Variants in KANK2 observed in about 807,000 individuals in gnomAD.
The protein encoded by KANK2 is KN motif and ankyrin repeat domain-containing protein 2.
KANK2 carries 41 observed loss-of-function variants against 74.6 expected under a neutral mutation model. The ratio of observed to expected loss-of-function variants is 0.55; its 90% confidence interval spans 0.43 to 0.71. The LOEUF (loss-of-function observed/expected upper bound fraction) is 0.71, where lower values mean the gene tolerates loss of function less well. Ranked by LOEUF, KANK2 falls within the 30% of genes least tolerant of loss-of-function variation. The probability of loss-of-function intolerance (pLI) is 0.00; values close to 1 mark genes in which losing one functional copy is unlikely to be tolerated. For synonymous variants in KANK2, 537 were observed against 519.0 expected (o/e 1.03, Z -0.47); for missense variants, 1,148 against 1,196.4 (o/e 0.96, Z 0.60).
chr19:11,187,783 T>C (rs12459892), intron 4 of KANK2, among the ~76,000 whole-genome samples: 10,043 of 152,176 alleles, frequency 0.066, 383 homozygotes, highest in Admixed American at 0.09. Context: ...GCATATTAAG[T>C]ATACGTCAAT....
rs144505746 is a variant in KANK2 at position 11,166,039 on chromosome 19, C to T, written c.*519G>A. 1,005 of 153,804 alleles carry T rather than the reference C, an allele frequency of 6.5e-3. 2 individuals carry two copies. The highest frequency in any genetic ancestry group is 0.01 in the Middle Eastern group (3 of 298). 9.5% of individuals were successfully genotyped at this position (153,804 alleles called of 1,614,324 possible). ...CCGTCTAGCGGGGCAGTGGACACAACACTATTCTATATCAGACAATTAAAT... is the reference window on the plus strand; with the variant it reads ...CCGTCTAGCGGGGCAGTGGACACAATACTATTCTATATCAGACAATTAAAT... On this transcript the variant is annotated 3_prime_UTR_variant, in exon 13 of 13. Coordinates refer to ENST00000586659, the MANE Select transcript of KANK2 (RefSeq NM_001136191.3).
At position 11,193,902 on chromosome 19, in the gene KANK2, G is replaced by A. The variant is rs894720949; in HGVS notation, c.178C>T (p.Arg60Ter). Reference sequence around the variant, plus strand: ...GGGCGGCGCTGCACTGCCACGCGTCGCAGCGTGTGGCCCTTCTCGATGTCA... The same window carrying A: ...GGGCGGCGCTGCACTGCCACGCGTCACAGCGTGTGGCCCTTCTCGATGTCA... Reference protein sequence around the residue: ...VDDIEKGHTLRRVAVQRRPRL... With the variant: ...VDDIEKGHTL The change falls in exon 4 of 13, where the codon CGA becomes TGA. Residue 60 changes from arginine to a stop codon, truncating the protein, a stop_gained. Coordinates refer to ENST00000586659, the MANE Select transcript of KANK2 (RefSeq NM_001136191.3). LOFTEE classifies it high-confidence loss of function. The surrounding 1 kb of genome is among the most constrained non-coding windows in gnomAD (Gnocchi z 9.6). 2 of 1,613,788 alleles carry A rather than the reference G, an allele frequency of 1.2e-6. No homozygotes were observed. Among genetic ancestry groups the A allele is most frequent in the African/African-American group, 1.3e-5 (1 of 75,030 alleles).
At position 11,178,486 on chromosome 19, in the gene KANK2, C is replaced by T. The variant is rs1246523905; in HGVS notation, c.1418-39G>A. Reference sequence around the variant, plus strand: ...CAGCGGAGGTGCTGTGAGAGTCCTTCAGGGCCAGACTCCGAACTGGCGCCA... The same window carrying T: ...CAGCGGAGGTGCTGTGAGAGTCCTTTAGGGCCAGACTCCGAACTGGCGCCA... On this transcript the variant is annotated intron_variant, in intron 5 of 12. Coordinates refer to ENST00000586659, the MANE Select transcript of KANK2 (RefSeq NM_001136191.3). The T allele has an allele frequency of 2.5e-6, 4 of 1,601,078 alleles. No homozygotes were observed. The East Asian group carries it at 6.9e-5, about 27-fold the overall frequency.
In KANK2 at chr19:11,182,449, C is replaced by T. The variant is rs150380236; in HGVS notation, c.1250-3729G>A. 9.7e-3 allele frequency among the ~76,000 whole-genome samples: 1,477 copies of T among 151,726 alleles called. 6 individuals are homozygous for T. Among genetic ancestry groups the T allele is most frequent in the Middle Eastern group, 0.014 (4 of 294 alleles). On this transcript the variant is annotated intron_variant, in intron 4 of 12. Transcript: ENST00000586659. Reference sequence around the variant, plus strand: ...GCTGAGATGAAAAGATTGCTTGAGCCCGGGAGTTTGAAGTTACATTGAGCT... The same window carrying T: ...GCTGAGATGAAAAGATTGCTTGAGCTCGGGAGTTTGAAGTTACATTGAGCT...
At position 11,172,975 on chromosome 19, in the gene KANK2, C is replaced by T. The variant is rs369583093; in HGVS notation, c.2211+6G>A. 10 of 1,612,602 alleles carry T rather than the reference C, an allele frequency of 6.2e-6. No individual in the cohort carries two copies. Among genetic ancestry groups the T allele is most frequent in the Middle Eastern group, 1.7e-4 (1 of 6,058 alleles). ...CCTGGATCTGCAGCAGCCGGGGTCC[C>T]CATACCTGGCTGGCTTTGGCATTGA... On this transcript the variant is annotated splice_donor_region_variant and intron_variant, in intron 10 of 12. Coordinates refer to ENST00000586659, the MANE Select transcript of KANK2 (RefSeq NM_001136191.3).
chr19:11,183,411 A>C (rs951173799), intron 4 of KANK2, among the ~76,000 whole-genome samples: 1 of 152,238 alleles, frequency 6.6e-6, no homozygotes, highest in African/African-American at 2.4e-5. Flanking sequence ...TGAAGAATTA[A>C]GATGAAGGTA....
At chr19:11,181,117 T>A (rs1174882849) in intron 4 of KANK2, among the ~76,000 whole-genome samples, 66 of 103,372 alleles carry the variant, frequency 6.4e-4, no homozygotes, top group Middle Eastern at 5.1e-3. Context: ...AAAAAAAAAA[T>A]TCTGGGAGAG....
In KANK2 at chr19:11,174,507, G is replaced by A. The variant is rs1349093326; in HGVS notation, c.2034C>T (p.Ala678=). The stretch of plus-strand genomic sequence containing the variant: ...GCAGCTGCTGCACCACGGGGAAGTT[G>A]GCATGAGACACGGAGTAGTGCAGGG... ...NTALHYSVSH[A]NFPVVQQLLD... The change falls in exon 9 of 13, where the codon GCC becomes GCT. Residue 678 remains alanine (A), a synonymous_variant. Coordinates refer to ENST00000586659, the MANE Select transcript of KANK2 (RefSeq NM_001136191.3). 1.9e-6 allele frequency: 3 copies of A among 1,613,152 alleles called. No homozygotes were observed. The highest frequency in any genetic ancestry group is 1.3e-5 in the African/African-American group (1 of 74,948).
chr19:11,190,794 A>ATGTG (rs1294783819), intron 4 of KANK2, among the ~76,000 whole-genome samples: 1 of 150,918 alleles, frequency 6.6e-6, no homozygotes, highest in African/African-American at 2.4e-5. Context: ...GCAGTGGCAC[A>ATGTG]ATCTCAGCTC....
intron 10 of KANK2, among the ~76,000 whole-genome samples, chr19:11,172,418 G>A (rs2078203804): frequency 6.6e-6 from 1 of 152,114 alleles, no homozygotes; most frequent in African/African-American, 2.4e-5. Context: ...GACTGTTGAC[G>A]ATCCCTCTCC....
chr19:11,189,384 AC>A (rs1381602208), intron 4 of KANK2, among the ~76,000 whole-genome samples: 2 of 151,890 alleles, frequency 1.3e-5, no homozygotes, highest in African/African-American at 4.8e-5. Context: ...AGGTTGGATC[AC>A]CTGAGGTCAG....
At chr19:11,183,908 T>TG (rs2078601997) in intron 4 of KANK2, among the ~76,000 whole-genome samples, 1 of 151,966 alleles carries the variant, frequency 6.6e-6, no homozygotes, top group Admixed American at 6.6e-5. Flanking sequence ...TTTGTAGAGA[T>TG]GGGGGTCTTA....
At chr19:11,192,528 T>C (rs1392907521) in intron 4 of KANK2, 2 of 353,846 alleles carry the variant, frequency 5.7e-6, no homozygotes, top group African/African-American at 4.5e-5. Context: ...TCCGCTTCCC[T>C]AGTTCAAGCG....
rs576898598 is a variant in KANK2, at chr19:11,178,494, G to C, written c.1418-47C>G. On this transcript the variant is annotated intron_variant, in intron 5 of 12. Transcript: ENST00000586659. ...GTGCTGTGAGAGTCCTTCAGGGCCAGACTCCGAACTGGCGCCATCCCGGTG... is the reference window on the plus strand; with the variant it reads ...GTGCTGTGAGAGTCCTTCAGGGCCACACTCCGAACTGGCGCCATCCCGGTG... The C allele has an allele frequency of 7.6e-5, 122 of 1,601,450 alleles. 1 individual carries two copies. The South Asian group carries it at 1.2e-3, about 16-fold the overall frequency.
intron 10 of KANK2, among the ~76,000 whole-genome samples, chr19:11,171,975 ATT>A (rs1359232623): frequency 2.7e-4 from 31 of 115,080 alleles, no homozygotes; most frequent in Admixed American, 5.3e-4. Context: ...CACCCGGCTA[ATT>A]TTTTTTTTTT....
At position 11,170,041 on chromosome 19, in the gene KANK2, G is replaced by A. The variant is rs748622098; in HGVS notation, c.2412+7C>T. ...CCTCCCCGGGGTGCACCTGGTTGGA[G>A]ACTCACGCGATCTGTGAGTGAGATG... On this transcript the variant is annotated splice_region_variant and intron_variant, in intron 11 of 12. Transcript: ENST00000586659. This position sits in a 1 kb window ranked among gnomAD's most constrained non-coding sequence, Gnocchi z 5.2. 3.1e-6 allele frequency: 5 copies of A among 1,612,718 alleles called. No homozygotes were observed. In the South Asian group the frequency reaches 4.4e-5, roughly 14 times the overall value.
Position 11,193,174 on chromosome 19 carries a change from C to T in KANK2, c.906G>A (p.Glu302=), listed in dbSNP as rs1278073080. The T allele has an allele frequency of 6.2e-7, 1 of 1,610,306 alleles. No individual in the cohort carries two copies. Among genetic ancestry groups the T allele is most frequent in the Non-Finnish European group, 8.5e-7 (1 of 1,179,428 alleles). The change falls in exon 4 of 13, where the codon GAG becomes GAA. Residue 302 remains glutamate (E), a synonymous_variant. Coordinates refer to ENST00000586659, the MANE Select transcript of KANK2 (RefSeq NM_001136191.3). The surrounding 1 kb of genome is among the most constrained non-coding windows in gnomAD (Gnocchi z 9.6). ...CCTGCCGGGCCTGAGCTGCCTGCAG[C>T]TCCTGCAGCGCCTTCTTGAGCTGGG... The part of the protein sequence containing the change: ...LETQLKKALQ[E]LQAAQARQAD...
Position 11,170,127 on chromosome 19 carries a change from C to A in KANK2, c.2333G>T (p.Cys778Phe). The change falls in exon 11 of 13, where the codon TGC becomes TTC. Residue 778 changes from cysteine (C) to phenylalanine (F), a missense_variant. Coordinates refer to ENST00000586659, the MANE Select transcript of KANK2 (RefSeq NM_001136191.3). The surrounding 1 kb of genome is among the most constrained non-coding windows in gnomAD (Gnocchi z 5.2). ...CTCCTTGTGGCCGTGCTCACAGGCGCACATGAGGGCCGTGGAGCCGTCATC... is the reference window on the plus strand; with the variant it reads ...CTCCTTGTGGCCGTGCTCACAGGCGAACATGAGGGCCGTGGAGCCGTCATC... ...QDDDGSTALM[C>F]ACEHGHKEIA... The A allele has an allele frequency of 3.1e-6, 5 of 1,613,102 alleles. No individual in the cohort carries two copies. The highest frequency in any genetic ancestry group is 4.2e-6 in the Non-Finnish European group (5 of 1,180,028).
At chr19:11,192,510 C>T in intron 4 of KANK2, 1 of 348,696 alleles carries the variant, frequency 2.9e-6, no homozygotes, top group South Asian at 2.2e-5. Context: ...TCTCAGCTCA[C>T]TGCAACCTCC....
Sources: allele counts gnomAD v4.1 joint callset (sites outside exome capture counted in the v4.1 genomes callset), GRCh38; gene constraint gnomAD v4.1.1; non-coding constraint Gnocchi (gnomAD v3.1); transcripts MANE v1.5; gene names NCBI Gene and HGNC (gene_info 2026-07-23, HGNC 2026-07-21).